The following PCDH9 variants were observed in gnomAD, a reference collection of about 807,000 sequenced individuals.
The protein encoded by PCDH9 is protocadherin 9, also known as protocadherin-9.
A neutral mutation model predicts 70.6 loss-of-function variants in PCDH9; 24 were observed. That is an observed-to-expected ratio of 0.34 (90% CI 0.25 to 0.48). The LOEUF is 0.48. PCDH9 is among the 20% of genes least tolerant of loss of function. The pLI is 0.99. For missense variants in PCDH9, 1,281 were observed against 1,503.6 expected (o/e 0.85, Z 2.45); for synonymous variants, 562 against 558.5 (o/e 1.01, Z -0.09).
chr13:66,966,878 T>C (rs373122200), intron 2 of PCDH9, among the ~76,000 whole-genome samples: 2 of 152,084 alleles, frequency 1.3e-5, no homozygotes, highest in East Asian at 3.9e-4. Flanking sequence ...TATAGAGTTA[T>C]TAGTAACTTT....
intron 4 of PCDH9, among the ~76,000 whole-genome samples, chr13:66,605,429 T>C (rs2077211473): frequency 6.6e-6 from 1 of 152,106 alleles, no homozygotes; most frequent in African/African-American, 2.4e-5. Flanking sequence ...ACCATAAAAG[T>C]TCTGAAAGAA....
At chr13:66,810,875 T>A (rs1384469748) in intron 3 of PCDH9, among the ~76,000 whole-genome samples, 1 of 151,874 alleles carries the variant, frequency 6.6e-6, no homozygotes, top group Non-Finnish European at 1.5e-5. Context: ...CAACACAAGA[T>A]ATATGTTGCT....
chr13:66,574,373 T>C (rs995330968), intron 4 of PCDH9, among the ~76,000 whole-genome samples: 3 of 152,178 alleles, frequency 2.0e-5, no homozygotes, highest in Admixed American at 6.5e-5. Context: ...ATCTTCCTCA[T>C]GCAAGTGATC....
At chr13:66,595,051 G>GCACA (rs1223019053) in intron 4 of PCDH9, among the ~76,000 whole-genome samples, 1 of 148,916 alleles carries the variant, frequency 6.7e-6, no homozygotes, top group African/African-American at 2.5e-5. Flanking sequence ...TAAAATAAGT[G>GCACA]CACACACACA....
At chr13:66,947,630 G>A (rs572081494) in intron 2 of PCDH9, among the ~76,000 whole-genome samples, 2 of 152,210 alleles carry the variant, frequency 1.3e-5, no homozygotes, top group African/African-American at 4.8e-5. Flanking sequence ...GGAGATTAGA[G>A]GACTAGACCA....
chr13:66,563,388 C>T (rs113676209), intron 4 of PCDH9, among the ~76,000 whole-genome samples: 38 of 152,286 alleles, frequency 2.5e-4, no homozygotes, highest in African/African-American at 7.5e-4. Flanking sequence ...AGGCTCTTAT[C>T]ACTTGATTGC....
At chr13:66,553,636 A>G (rs915718720) in intron 4 of PCDH9, among the ~76,000 whole-genome samples, 6 of 152,168 alleles carry the variant, frequency 3.9e-5, no homozygotes, top group Admixed American at 1.3e-4. Flanking sequence ...AATGCCAGGG[A>G]GTACACAATT....
At chr13:67,089,558 C>G (rs1211512175) in intron 2 of PCDH9, among the ~76,000 whole-genome samples, 2 of 151,902 alleles carry the variant, frequency 1.3e-5, no homozygotes, top group East Asian at 3.9e-4. Context: ...TGCCGTCAAG[C>G]AACATAGAGT....
At chr13:66,604,385 C>T (rs1484499142) in intron 4 of PCDH9, among the ~76,000 whole-genome samples, 1 of 151,992 alleles carries the variant, frequency 6.6e-6, no homozygotes, top group Non-Finnish European at 1.5e-5. Context: ...GTTGTGTGTG[C>T]ACACATTTAT....
chr13:66,466,148 T>C (rs1958510114), intron 4 of PCDH9, among the ~76,000 whole-genome samples: 1 of 151,902 alleles, frequency 6.6e-6, no homozygotes, highest in African/African-American at 2.4e-5. Context: ...TTCCATAAAA[T>C]TGACTTTTCT....
chr13:66,782,118 C>G (rs2080008625), intron 3 of PCDH9, among the ~76,000 whole-genome samples: 1 of 152,026 alleles, frequency 6.6e-6, no homozygotes, highest in African/African-American at 2.4e-5. Flanking sequence ...GAGTCCTTCC[C>G]TCTTTCCTCC....
At chr13:66,687,146 T>A (rs926268261) in intron 3 of PCDH9, among the ~76,000 whole-genome samples, 1 of 152,186 alleles carries the variant, frequency 6.6e-6, no homozygotes, top group Non-Finnish European at 1.5e-5. Context: ...CAAGCTCCAA[T>A]AAGCCAAGTT....
intron 2 of PCDH9, among the ~76,000 whole-genome samples, chr13:67,175,004 T>C (rs1375858860): frequency 6.8e-6 from 1 of 146,510 alleles, no homozygotes; most frequent in Non-Finnish European, 1.5e-5. Flanking sequence ...AGAGTGACGG[T>C]ACAAGCCTAT....
chr13:67,221,381 G>A (rs928741448), intron 2 of PCDH9: 5 of 151,970 alleles, frequency 3.3e-5, no homozygotes, highest in African/African-American at 9.7e-5. Flanking sequence ...TCTCTAAATG[G>A]TTTGGAATAG....
At chr13:66,838,070 C>G (rs897630162) in intron 3 of PCDH9, among the ~76,000 whole-genome samples, 3 of 152,046 alleles carry the variant, frequency 2.0e-5, no homozygotes, top group Non-Finnish European at 4.4e-5. Flanking sequence ...ATCAAATTTT[C>G]CAGTTTTGTA....
intron 4 of PCDH9, among the ~76,000 whole-genome samples, chr13:66,475,457 A>G (rs573147990): frequency 4.6e-4 from 70 of 152,098 alleles, no homozygotes; most frequent in Admixed American, 7.9e-4. Flanking sequence ...AAGGTGCCAT[A>G]TTCTCATATG....
intron 2 of PCDH9, among the ~76,000 whole-genome samples, chr13:67,180,778 C>T (rs778628565): frequency 1.3e-5 from 2 of 152,070 alleles, no homozygotes; most frequent in Non-Finnish European, 1.5e-5. Context: ...ATTGGCATTT[C>T]TGAGGCAAGT....
intron 2 of PCDH9, among the ~76,000 whole-genome samples, chr13:67,188,641 C>T (rs1210410555): frequency 6.6e-6 from 1 of 151,966 alleles, no homozygotes. Flanking sequence ...CCCTGGAAAG[C>T]TTTTACTTTA....
chr13:66,682,147 T>C (rs12869280), intron 3 of PCDH9, among the ~76,000 whole-genome samples: 111,394 of 151,466 alleles, frequency 0.74, 41,275 homozygotes, highest in East Asian at 0.92. Flanking sequence ...TATCTCACTA[T>C]TGAATCTTTT....
Sources: allele counts gnomAD v4.1 joint callset (sites outside exome capture counted in the v4.1 genomes callset), GRCh38; gene constraint gnomAD v4.1.1; transcripts MANE v1.5; gene names NCBI Gene and HGNC (gene_info 2026-07-23, HGNC 2026-07-21).